SIK3: variants seen among roughly 807,000 people sequenced by gnomAD.
SIK3 encodes SIK family kinase 3.
Under a neutral mutation model 144.2 loss-of-function variants are expected in SIK3, and 28 were observed. That is an observed-to-expected ratio of 0.19 (90% confidence interval 0.14 to 0.27). SIK3 has a LOEUF of 0.27. SIK3 is among the 10% of genes least tolerant of loss of function. The pLI is 1.00. For synonymous variants in SIK3, 686 were observed against 676.3 expected, an observed-to-expected ratio of 1.01 and a Z score of -0.22; for missense variants, 1,319 against 1,776.0, an observed-to-expected ratio of 0.74 and a Z score of 4.62.
At chr11:116,934,221 G>A (rs1947779778) in intron 3 of SIK3, among the ~76,000 whole-genome samples, 1 of 152,176 alleles carries the variant, frequency 6.6e-6, no homozygotes, top group Non-Finnish European at 1.5e-5. Context: ...GTTCAATACT[G>A]TGTCTAGTAC....
At chr11:117,035,615 T>C (rs142985263) in intron 1 of SIK3, among the ~76,000 whole-genome samples, 7 of 152,336 alleles carry the variant, frequency 4.6e-5, no homozygotes, top group Non-Finnish European at 1.0e-4. Context: ...AATGCAGTGA[T>C]GTGATCATAG....
chr11:117,060,520 C>T (rs1036600140), intron 1 of SIK3, among the ~76,000 whole-genome samples: 5 of 151,658 alleles, frequency 3.3e-5, no homozygotes, highest in Non-Finnish European at 7.4e-5. Context: ...TCGCTTGAAC[C>T]CGAGAGGCAG....
chr11:116,917,731 G>C (rs1322346653), intron 4 of SIK3, among the ~76,000 whole-genome samples: 1 of 147,096 alleles, frequency 6.8e-6, no homozygotes, highest in African/African-American at 2.6e-5. Context: ...AGGAGGAAGG[G>C]AAAGAGAGAG....
At chr11:116,871,155 A>G in intron 13 of SIK3, among the ~76,000 whole-genome samples, 1 of 152,232 alleles carries the variant, frequency 6.6e-6, no homozygotes, top group East Asian at 1.9e-4. Context: ...TGCTTGTATC[A>G]CTGTGACTTT....
intron 4 of SIK3, among the ~76,000 whole-genome samples, chr11:116,920,374 A>C (rs574023845): frequency 2.6e-5 from 4 of 152,090 alleles, no homozygotes; most frequent in East Asian, 1.9e-4. Flanking sequence ...TGTTGAATTT[A>C]TCTCTCTCAG....
At chr11:116,942,993 A>G (rs1948394116) in intron 3 of SIK3, among the ~76,000 whole-genome samples, 1 of 152,214 alleles carries the variant, frequency 6.6e-6, no homozygotes, top group Non-Finnish European at 1.5e-5. Context: ...TTAGCAAGAC[A>G]TGATGGTGGC....
intron 1 of SIK3, among the ~76,000 whole-genome samples, chr11:117,012,061 C>T (rs1001653191): frequency 2.2e-4 from 34 of 151,112 alleles, no homozygotes; most frequent in African/African-American, 8.0e-4. Flanking sequence ...TCACTGCAGC[C>T]TTCATCTCCC....
At chr11:117,021,232 G>A (rs969658616) in intron 1 of SIK3, among the ~76,000 whole-genome samples, 11 of 152,310 alleles carry the variant, frequency 7.2e-5, no homozygotes, top group African/African-American at 2.4e-4. Context: ...CTACACGAGA[G>A]AAGAAAGTCT....
chr11:117,025,005 T>A (rs1233549440), intron 1 of SIK3, among the ~76,000 whole-genome samples: 1 of 152,138 alleles, frequency 6.6e-6, no homozygotes, highest in African/African-American at 2.4e-5. Flanking sequence ...AAAGTTTATA[T>A]CAGATGTCTT....
intron 4 of SIK3, among the ~76,000 whole-genome samples, chr11:116,900,928 G>A (rs950658884): frequency 2.6e-5 from 4 of 151,182 alleles, no homozygotes; most frequent in African/African-American, 4.9e-5. Flanking sequence ...GCAGTGGTGC[G>A]ATCTTGGCTC....
intron 21 of SIK3, among the ~76,000 whole-genome samples, chr11:116,851,800 G>A (rs1338043961): frequency 6.6e-6 from 1 of 152,222 alleles, no homozygotes; most frequent in South Asian, 2.1e-4. Context: ...GCATGTTGGC[G>A]CCAGGGCCAA....
chr11:116,993,915 A>G (rs568623467), intron 1 of SIK3, among the ~76,000 whole-genome samples: 1 of 152,346 alleles, frequency 6.6e-6, no homozygotes, highest in East Asian at 1.9e-4. Flanking sequence ...CATCAGGAGG[A>G]GCAACCATGA....
At chr11:117,002,931 T>C (rs1262540320) in intron 1 of SIK3, among the ~76,000 whole-genome samples, 1 of 152,234 alleles carries the variant, frequency 6.6e-6, no homozygotes, top group Non-Finnish European at 1.5e-5. Flanking sequence ...AAATCCAACA[T>C]GCTCACATTC....
intron 1 of SIK3, among the ~76,000 whole-genome samples, chr11:117,067,514 G>GA (rs2135983745): frequency 6.6e-6 from 1 of 152,252 alleles, no homozygotes; most frequent in South Asian, 2.1e-4. Context: ...TCTGGAAGTG[G>GA]AGGAGGATGA....
At chr11:116,873,776 A>C in intron 12 of SIK3, 127 bp downstream of exon 12, 1 of 1,470,302 alleles carries the variant, frequency 6.8e-7, no homozygotes, top group Non-Finnish European at 9.1e-7. Flanking sequence ...CACCCGAGCT[A>C]CTTTGCAAGA....
chr11:116,883,669 C>T (rs927556229), intron 6 of SIK3, among the ~76,000 whole-genome samples: 2 of 152,164 alleles, frequency 1.3e-5, no homozygotes, highest in Admixed American at 1.3e-4. Flanking sequence ...CATGGTGGCT[C>T]ACGCCTATAA....
Position 117,088,414 on chromosome 11 carries a change from A to G in SIK3, c.273+9729T>C, listed in dbSNP as rs113207231. ...GAGATTTGTGAGAAAAAGGTAGAAA[A>G]TTACTTTTCTTTAACATCTTAACTA... On this transcript the variant is annotated intron_variant, in intron 1 of 24. Coordinates refer to ENST00000445177, the MANE Select transcript of SIK3 (RefSeq NM_001366686.3). 9.7e-3 allele frequency among the ~76,000 whole-genome samples: 1,474 copies of G among 152,300 alleles called. 24 individuals are homozygous for G. The highest frequency in any genetic ancestry group is 0.034 in the African/African-American group (1,408 of 41,560).
At chr11:116,948,907 AAAAC>A (rs1215921368) in intron 3 of SIK3, among the ~76,000 whole-genome samples, 2 of 152,176 alleles carry the variant, frequency 1.3e-5, no homozygotes, top group Non-Finnish European at 2.9e-5. Context: ...AGAGGATAGA[AAAAC>A]AACCAACTAT....
intron 1 of SIK3, among the ~76,000 whole-genome samples, chr11:116,991,275 C>T (rs1402989135): frequency 2.6e-5 from 4 of 152,106 alleles, no homozygotes; most frequent in Non-Finnish European, 5.9e-5. Context: ...GGCAAAACCC[C>T]GTCTCTATCA....
Sources: gnomAD v4.1 joint callset for allele counts (sites outside exome capture counted in the v4.1 genomes callset) on GRCh38, gnomAD v4.1.1 for gene constraint, MANE v1.5 for transcripts, NCBI Gene and HGNC (gene_info 2026-07-23, HGNC 2026-07-21) for gene names.